The following CA10 variants were observed in gnomAD, a reference collection of about 807,000 sequenced individuals.
The protein encoded by CA10 is carbonic anhydrase-related protein 10.
CA10 carries 14 observed loss-of-function variants against 44.2 expected under a neutral mutation model. The observed-to-expected ratio is 0.32, with a 90% CI of 0.21 to 0.50. The LOEUF (loss-of-function observed/expected upper bound fraction) is 0.50, where lower values mean the gene tolerates loss of function less well. Among genes scored for constraint, CA10 ranks in the 20% least tolerant of loss-of-function variants. CA10 has a pLI of 0.99. For synonymous variants in CA10, 159 were observed against 141.6 expected (o/e 1.12, Z -0.87); for missense variants, 350 against 409.7 (o/e 0.85, Z 1.26).
chr17:51,744,314 C>CAAA (rs35791301), intron 4 of CA10, among the ~76,000 whole-genome samples: 2 of 113,096 alleles, frequency 1.8e-5, no homozygotes, highest in African/African-American at 6.4e-5. Context: ...GACTCCATCT[C>CAAA]AAAAAAAAAA....
intron 3 of CA10, among the ~76,000 whole-genome samples, chr17:51,829,772 A>C (rs943583412): frequency 1.3e-5 from 2 of 152,204 alleles, no homozygotes; most frequent in Admixed American, 6.5e-5. Context: ...GGACTCATTC[A>C]AACAGGATTG....
At chr17:51,649,925 T>G (rs1485244518) in intron 5 of CA10, among the ~76,000 whole-genome samples, 6 of 150,292 alleles carry the variant, frequency 4.0e-5, no homozygotes, top group African/African-American at 1.5e-4. Context: ...TTGCATGAAT[T>G]GAGTATATCA....
intron 2 of CA10, among the ~76,000 whole-genome samples, chr17:51,972,461 G>A (rs1984314884): frequency 6.6e-6 from 1 of 151,952 alleles, no homozygotes; most frequent in African/African-American, 2.4e-5. Context: ...CTTCATTACT[G>A]TTATAGATAC....
At chr17:51,699,310 C>T (rs1038618695) in intron 4 of CA10, among the ~76,000 whole-genome samples, 10 of 145,112 alleles carry the variant, frequency 6.9e-5, no homozygotes, top group African/African-American at 1.0e-4. Context: ...GTGACAAGAG[C>T]GAAACTCCAT....
intron 3 of CA10, among the ~76,000 whole-genome samples, chr17:51,811,463 G>A (rs141754952): frequency 0.028 from 4,295 of 152,218 alleles, 172 homozygotes; most frequent in African/African-American, 0.09. Context: ...AGGCCCCAGT[G>A]TGTGATGTTC....
chr17:51,670,422 C>T (rs8065166), intron 4 of CA10, among the ~76,000 whole-genome samples: 2,472 of 151,810 alleles, frequency 0.016, 51 homozygotes, highest in South Asian at 0.041. Flanking sequence ...ACATGTTAGA[C>T]CTGGTTTGTG....
At chr17:51,735,277 T>C (rs1419172747) in intron 4 of CA10, among the ~76,000 whole-genome samples, 1 of 152,108 alleles carries the variant, frequency 6.6e-6, no homozygotes, top group Non-Finnish European at 1.5e-5. Flanking sequence ...TTATCCTAAG[T>C]GAATTAATGT....
At chr17:52,129,998 G>A (rs1213247411) in intron 1 of CA10, among the ~76,000 whole-genome samples, 1 of 152,142 alleles carries the variant, frequency 6.6e-6, no homozygotes, top group East Asian at 1.9e-4. Context: ...GACCTGAATA[G>A]ACGTTTTTCA....
At chr17:51,902,077 C>G (rs1981341490) in intron 3 of CA10, among the ~76,000 whole-genome samples, 1 of 151,972 alleles carries the variant, frequency 6.6e-6, no homozygotes, top group South Asian at 2.1e-4. Flanking sequence ...TTATTTTTCT[C>G]TTATAAGCCC....
In CA10 at chr17:51,713,888, G is replaced by A. The variant is rs545693631; in HGVS notation, c.465+33745C>T. Among the ~76,000 whole-genome samples the A allele has an allele frequency of 5.9e-5, 9 of 152,290 alleles. No homozygotes were observed. The South Asian group carries it at 1.7e-3, about 28-fold the overall frequency. ...TGGCAGTTCTCAGAAAGAATGAATC[G>A]GAGATCCCTGGTACTGACCTGATGT... is the stretch of plus-strand genomic sequence containing the variant. On this transcript the variant is annotated intron_variant, in intron 4 of 8. Coordinates refer to ENST00000451037, the MANE Select transcript of CA10 (RefSeq NM_020178.5).
At chr17:51,683,590 G>C (rs1021014109) in intron 4 of CA10, among the ~76,000 whole-genome samples, 1 of 152,112 alleles carries the variant, frequency 6.6e-6, no homozygotes, top group Non-Finnish European at 1.5e-5. Context: ...TGTGCAATAC[G>C]TAAAGCTTTG....
intron 3 of CA10, among the ~76,000 whole-genome samples, chr17:51,897,357 TAGG>T (rs1981115801): frequency 6.6e-6 from 1 of 152,138 alleles, no homozygotes; most frequent in East Asian, 1.9e-4. Context: ...CTCAACTTTG[TAGG>T]AGATCAGATG....
chr17:52,159,014 C>T (rs966260117), upstream of CA10, among the ~76,000 whole-genome samples: 6 of 152,196 alleles, frequency 3.9e-5, no homozygotes, highest in African/African-American at 1.4e-4. Flanking sequence ...GCAGCCGCCT[C>T]CGCACTCCGC....
chr17:52,084,413 A>G (rs8067628), intron 1 of CA10, among the ~76,000 whole-genome samples: 1,663 of 151,668 alleles, frequency 0.011, 25 homozygotes, highest in African/African-American at 0.039. Flanking sequence ...TCACATACTT[A>G]TAAGTGGTAG....
intron 3 of CA10, among the ~76,000 whole-genome samples, chr17:51,905,453 A>G (rs1273717248): frequency 6.6e-5 from 10 of 151,450 alleles, no homozygotes; most frequent in Admixed American, 2.0e-4. Flanking sequence ...CATGCTAGTA[A>G]GTGGAATTTC....
chr17:51,914,543 G>T (rs9916828), intron 3 of CA10, among the ~76,000 whole-genome samples: 49 of 152,002 alleles, frequency 3.2e-4, no homozygotes, highest in Admixed American at 6.5e-4. Context: ...GATAAAATAC[G>T]TATAGTGCTA....
intron 4 of CA10, among the ~76,000 whole-genome samples, chr17:51,686,161 T>C (rs542405348): frequency 5.4e-4 from 82 of 152,256 alleles, no homozygotes; most frequent in African/African-American, 1.9e-3. Context: ...GTTTTATAAA[T>C]GGGAGTAACC....
chr17:52,091,734 G>C (rs191514825), intron 1 of CA10, among the ~76,000 whole-genome samples: 11 of 152,230 alleles, frequency 7.2e-5, no homozygotes, highest in Admixed American at 6.5e-4. Flanking sequence ...GCTGTTGGAG[G>C]GGGACCTTGC....
At chr17:52,106,603 G>C (rs1567735361) in intron 1 of CA10, among the ~76,000 whole-genome samples, 1 of 152,108 alleles carries the variant, frequency 6.6e-6, no homozygotes, top group Non-Finnish European at 1.5e-5. Context: ...ATAGCAAGCT[G>C]CCTGGATTTC....
Sources: allele counts gnomAD v4.1 joint callset (sites outside exome capture counted in the v4.1 genomes callset), GRCh38; gene constraint gnomAD v4.1.1; transcripts MANE v1.5; gene names NCBI Gene and HGNC (gene_info 2026-07-23, HGNC 2026-07-21).